DMD: variants seen among roughly 807,000 people sequenced by gnomAD.
DMD encodes the protein dystrophin.
Under a neutral mutation model 330.1 loss-of-function variants are expected in DMD, and 63 were observed. The observed-to-expected ratio is 0.19, with a 90% confidence interval of 0.16 to 0.24. The LOEUF (loss-of-function observed/expected upper bound fraction) is 0.24, where lower values mean the gene tolerates loss of function less well. Ranked by LOEUF, DMD falls within the 10% of genes least tolerant of loss-of-function variation. DMD has a pLI of 1.00. For synonymous variants in DMD, 1,223 were observed against 959.8 expected, an observed-to-expected ratio of 1.27 and a Z score of -5.07; for missense variants, 3,344 against 2,684.1, an observed-to-expected ratio of 1.25 and a Z score of -5.43.
intron 60 of DMD, among the ~76,000 whole-genome samples, chrX:31,358,783 G>A (rs765406051): frequency 5.7e-4 from 64 of 112,365 alleles, no homozygotes; most frequent in Non-Finnish European, 1.1e-3. Flanking sequence ...GATTGTTAGC[G>A]TATATTTTCT....
At chrX:31,210,899 G>A (rs939348215) in intron 64 of DMD, among the ~76,000 whole-genome samples, 3 of 112,056 alleles carry the variant, frequency 2.7e-5, no homozygotes, top group Non-Finnish European at 3.8e-5. Flanking sequence ...CCTATATTGC[G>A]CACACATTTT....
chrX:31,364,747 A>G (rs1241589266), intron 60 of DMD, among the ~76,000 whole-genome samples: 2 of 111,195 alleles, frequency 1.8e-5, no homozygotes, highest in Non-Finnish European at 3.8e-5. Context: ...GATTTTACCA[A>G]CTGCGGCATT....
At chrX:31,985,986 C>T (rs964713353) in intron 44 of DMD, among the ~76,000 whole-genome samples, 9 of 111,142 alleles carry the variant, frequency 8.1e-5, no homozygotes, top group Admixed American at 1.9e-4. Flanking sequence ...ATGACGCTCC[C>T]GAGTCAGGAA....
At chrX:32,377,767 C>T (rs924196076) in intron 34 of DMD, among the ~76,000 whole-genome samples, 3 of 111,391 alleles carry the variant, frequency 2.7e-5, no homozygotes, top group African/African-American at 9.8e-5. Context: ...GTGACAATTA[C>T]GTATTGCATG....
At chrX:33,216,590 G>A (rs369053588) in intron 1 of DMD, among the ~76,000 whole-genome samples, 19 of 111,401 alleles carry the variant, frequency 1.7e-4, no homozygotes, top group East Asian at 1.7e-3. Flanking sequence ...ATGTACCCCC[G>A]ATTCAAAATG....
intron 9 of DMD, among the ~76,000 whole-genome samples, chrX:32,657,148 AG>A (rs1036053894): frequency 1.3e-4 from 14 of 109,755 alleles, no homozygotes; most frequent in Admixed American, 7.0e-4. Flanking sequence ...ACTTCACCTG[AG>A]ACTTTCTGTC....
chrX:32,392,985 A>C (rs1447501610), intron 30 of DMD, among the ~76,000 whole-genome samples: 1 of 112,229 alleles, frequency 8.9e-6, no homozygotes, highest in Non-Finnish European at 1.9e-5. Context: ...CAATGGACTA[A>C]AATCACATAA....
intron 11 of DMD, among the ~76,000 whole-genome samples, chrX:32,636,322 C>A (rs986840233): frequency 3.6e-5 from 4 of 111,788 alleles, no homozygotes; most frequent in African/African-American, 1.3e-4. Flanking sequence ...GGAGGTCAAA[C>A]TTTAAATTAC....
chrX:31,768,853 T>C (rs2090163649), intron 51 of DMD, among the ~76,000 whole-genome samples: 1 of 112,032 alleles, frequency 8.9e-6, no homozygotes, highest in Non-Finnish European at 1.9e-5. Flanking sequence ...TCTCTATTCT[T>C]CTAAAAGATA....
intron 1 of DMD, among the ~76,000 whole-genome samples, chrX:33,047,633 T>A (rs2094401191): frequency 8.9e-6 from 1 of 112,582 alleles, no homozygotes; most frequent in Non-Finnish European, 1.9e-5. Flanking sequence ...ACAAATGAAT[T>A]ATTTTTGTCT....
chrX:32,261,349 T>C (rs1472506538), intron 43 of DMD, among the ~76,000 whole-genome samples: 1 of 111,588 alleles, frequency 9.0e-6, no homozygotes, highest in Non-Finnish European at 1.9e-5. Context: ...TGACTTGCGA[T>C]TGATGTCCAG....
In DMD at chrX:32,485,068, G is replaced by A. The variant is rs2042278940; in HGVS notation, c.2654C>T (p.Pro885Leu). 2 of 1,210,987 alleles carry A rather than the reference G, an allele frequency of 1.7e-6. No individual in the cohort carries two copies. The highest frequency in any genetic ancestry group is 3.0e-5 in the East Asian group (1 of 33,827). Reference sequence around the variant, plus strand: ...TTGAATTTTTAATCGTTCAATTTGAGGTTGAAGATCTGATAGCCGGTTGAC... The same window carrying A: ...TTGAATTTTTAATCGTTCAATTTGAAGTTGAAGATCTGATAGCCGGTTGAC... ...DEVNRLSDLQ[P>L]QIERLKIQSI... is the part of the protein sequence containing the mutation. Residue 885 changes from proline to leucine, a missense_variant, in exon 21 of 79, where the codon CCT (proline) becomes CTT (leucine). Coordinates refer to ENST00000357033, the MANE Select transcript of DMD (RefSeq NM_004006.3).
chrX:31,557,886 C>T (rs938583001), intron 55 of DMD, among the ~76,000 whole-genome samples: 12 of 110,778 alleles, frequency 1.1e-4, no homozygotes, highest in African/African-American at 2.0e-4. Context: ...CACTGGGCTA[C>T]GAGGAGTGGA....
intron 2 of DMD, among the ~76,000 whole-genome samples, chrX:32,898,440 G>A (rs920851768): frequency 2.7e-5 from 3 of 112,220 alleles, no homozygotes; most frequent in East Asian, 2.8e-4. Context: ...AGCCAGTGGC[G>A]TTAAACAGCT....
intron 43 of DMD, among the ~76,000 whole-genome samples, chrX:32,251,465 A>G (rs1430137887): frequency 9.0e-6 from 1 of 111,216 alleles, no homozygotes; most frequent in Non-Finnish European, 1.9e-5. Context: ...ATGCTCAGGG[A>G]TCATCCCTGA....
At chrX:32,383,820 T>C (rs765134814) in intron 33 of DMD, among the ~76,000 whole-genome samples, 11 of 110,146 alleles carry the variant, frequency 1.0e-4, no homozygotes, top group Admixed American at 3.9e-4. Context: ...GGCACTATTA[T>C]TCGTCTAATG....
rs1465312917 is a variant in DMD, at chrX:32,399,475, A to T, written c.4234-9294T>A. Among the ~76,000 whole-genome samples the T allele has an allele frequency of 3.6e-5, 4 of 111,876 alleles. No individual in the cohort carries two copies. The East Asian group carries it at 1.1e-3, about 31-fold the overall frequency. ...AAGATAAATGACAAACGGGTATATG[A>T]AAAGGGTCTCAATATCACTGATCAT... On this transcript the variant is annotated intron_variant, in intron 30 of 78. Coordinates refer to ENST00000357033, the MANE Select transcript of DMD (RefSeq NM_004006.3).
intron 11 of DMD, among the ~76,000 whole-genome samples, chrX:32,640,172 T>C (rs182000642): frequency 1.1e-3 from 122 of 109,586 alleles, no homozygotes; most frequent in Non-Finnish European, 1.9e-3. Flanking sequence ...CATGGTATGG[T>C]AAAATAGTTA....
chrX:32,417,405 T>C (rs1403865020), intron 29 of DMD, among the ~76,000 whole-genome samples: 1 of 111,409 alleles, frequency 9.0e-6, no homozygotes, highest in African/African-American at 3.3e-5. Context: ...TGCAAGTAAG[T>C]GGAGCTCCAA....
Sources: gnomAD v4.1 joint callset for allele counts (sites outside exome capture counted in the v4.1 genomes callset) on GRCh38, gnomAD v4.1.1 for gene constraint, MANE v1.5 for transcripts, NCBI Gene and HGNC (gene_info 2026-07-23, HGNC 2026-07-21) for gene names.